Variants in CIRSR observed in about 807,000 individuals in gnomAD.
CIRSR encodes corepressor of RBPJ and splicing regulator, also known as CBF1 (RBPJ) interacting corepressor 1.
chr2:174,380,111 C>T, the CIRSR span: 1 of 829,244 alleles, frequency 1.2e-6, no homozygotes. Flanking sequence ...CATAGTGCCC[C>T]TTTTCAGCTT....
At chr2:174,351,959 T>C in the CIRSR span, 4 of 345,810 alleles carry the variant, frequency 1.2e-5, no homozygotes, top group South Asian at 9.0e-5. Flanking sequence ...TTATGTAACT[T>C]TGTCATATTG....
chr2:174,370,101 G>A, the CIRSR span: 1 of 1,321,814 alleles, frequency 7.6e-7, no homozygotes, highest in East Asian at 5.1e-5. Flanking sequence ...ATCACTGCTG[G>A]TGTAGAGCTG....
At chr2:174,389,982 G>A in the CIRSR span, among the ~76,000 whole-genome samples, 1 of 152,220 alleles carries the variant, frequency 6.6e-6, no homozygotes, top group African/African-American at 2.4e-5. Flanking sequence ...TTTGCTGCAG[G>A]GGTGGAACCC....
At chr2:174,381,667 AAAAG>A in the CIRSR span, 17 of 1,533,402 alleles carry the variant, frequency 1.1e-5, no homozygotes, top group African/African-American at 1.4e-5. Flanking sequence ...AGAAAAAAAA[AAAAG>A]AAAGAAAAAA....
the CIRSR span, among the ~76,000 whole-genome samples, chr2:174,390,526 C>A: frequency 3.0e-4 from 46 of 152,230 alleles, no homozygotes; most frequent in Non-Finnish European, 5.6e-4. Context: ...TGGACTTAGA[C>A]ATTTGAGTTA....
At chr2:174,381,726 T>C in the CIRSR span, 3 of 1,596,120 alleles carry the variant, frequency 1.9e-6, no homozygotes, top group Non-Finnish European at 2.6e-6. Context: ...CTGGTGGGGC[T>C]TCATACATGA....
chr2:174,380,125 C>A, the CIRSR span: 1 of 997,892 alleles, frequency 1.0e-6, no homozygotes, highest in Non-Finnish European at 1.5e-6. Context: ...TCAGCTTAAA[C>A]ACCTTTTAGA....
chr2:174,356,125 G>A, the CIRSR span, among the ~76,000 whole-genome samples: 2 of 152,064 alleles, frequency 1.3e-5, no homozygotes, highest in African/African-American at 2.4e-5. Flanking sequence ...GTATTAAGTA[G>A]GAGAAAAGGG....
chr2:174,362,931 GC>G, the CIRSR span, among the ~76,000 whole-genome samples: 1 of 151,960 alleles, frequency 6.6e-6, no homozygotes, highest in Non-Finnish European at 1.5e-5. Flanking sequence ...CCATAGTAGA[GC>G]CCCCTTTCAT....
the CIRSR span, among the ~76,000 whole-genome samples, chr2:174,389,062 C>A: frequency 3.3e-5 from 5 of 152,198 alleles, no homozygotes. Context: ...TTGGTCATTT[C>A]TTCATAGCAG....
chr2:174,380,567 A>C, the CIRSR span: 1 of 1,280,008 alleles, frequency 7.8e-7, no homozygotes, highest in Non-Finnish European at 1.1e-6. Flanking sequence ...TCCTCTAATG[A>C]TTGAAAAAGC....
the CIRSR span, chr2:174,380,862 A>G: frequency 6.8e-7 from 1 of 1,469,276 alleles, no homozygotes; most frequent in East Asian, 2.3e-5. Flanking sequence ...TGACAAGTTA[A>G]AAACTTCAAT....
At chr2:174,393,518 T>C in the CIRSR span, among the ~76,000 whole-genome samples, 1 of 152,026 alleles carries the variant, frequency 6.6e-6, no homozygotes, top group Non-Finnish European at 1.5e-5. Flanking sequence ...TTTCTTTCTT[T>C]CTTTTTAAAT....
the CIRSR span, among the ~76,000 whole-genome samples, chr2:174,383,078 T>C: frequency 1.2e-4 from 18 of 152,344 alleles, no homozygotes; most frequent in South Asian, 3.7e-3. Flanking sequence ...GGGACTGAAG[T>C]ACTAGTATAT....
chr2:174,371,311 C>G, the CIRSR span, among the ~76,000 whole-genome samples: 2 of 152,114 alleles, frequency 1.3e-5, no homozygotes, highest in African/African-American at 4.8e-5. Context: ...AGAAAACAAA[C>G]TTGCTGTTGA....
At chr2:174,383,719 C>CAAAAA in the CIRSR span, among the ~76,000 whole-genome samples, 23 of 83,116 alleles carry the variant, frequency 2.8e-4, no homozygotes, top group Admixed American at 4.4e-4. Flanking sequence ...GACTCCGTCT[C>CAAAAA]AAAAAAAAAA....
At chr2:174,375,803 A>G in the CIRSR span, among the ~76,000 whole-genome samples, 5 of 152,268 alleles carry the variant, frequency 3.3e-5, no homozygotes, top group Non-Finnish European at 7.3e-5. Flanking sequence ...TTTGTAAACT[A>G]TCTTTATGTC....
At chr2:174,385,209 T>C in the CIRSR span, among the ~76,000 whole-genome samples, 2 of 133,984 alleles carry the variant, frequency 1.5e-5, no homozygotes, top group Admixed American at 7.9e-5. Flanking sequence ...AGTGAGACCT[T>C]CCTCTCAAAA....
the CIRSR span, among the ~76,000 whole-genome samples, chr2:174,390,054 G>C: frequency 1.3e-5 from 2 of 152,220 alleles, no homozygotes; most frequent in South Asian, 2.1e-4. Flanking sequence ...CCCCCACACA[G>C]AGTCCCTACT....
Sources: allele counts gnomAD v4.1 joint callset (sites outside exome capture counted in the v4.1 genomes callset), GRCh38; gene constraint gnomAD v4.1.1; transcripts MANE v1.5; gene names NCBI Gene and HGNC (gene_info 2026-07-23, HGNC 2026-07-21).